KCNIP4: variants seen among roughly 807,000 people sequenced by gnomAD.
KCNIP4 encodes the protein potassium voltage-gated channel interacting protein 4, also known as Kv channel-interacting protein 4.
A neutral mutation model predicts 34.0 loss-of-function variants in KCNIP4; 12 were observed. The ratio of observed to expected loss-of-function variants is 0.35; its 90% CI spans 0.23 to 0.57. The LOEUF (loss-of-function observed/expected upper bound fraction) is 0.57. KCNIP4 is among the 20% of genes least tolerant of loss of function. The pLI is 0.83. For synonymous variants in KCNIP4, 124 were observed against 102.2 expected (o/e 1.21, Z -1.29); for missense variants, 238 against 311.7 (o/e 0.76, Z 1.78).
intron 1 of KCNIP4, among the ~76,000 whole-genome samples, chr4:21,573,656 T>A (rs185281949): frequency 1.3e-5 from 2 of 152,270 alleles, no homozygotes; most frequent in East Asian, 3.9e-4. Flanking sequence ...TTATATTTTA[T>A]CTATTCTGAG....
chr4:21,367,428 T>G (rs1719896177), intron 1 of KCNIP4, among the ~76,000 whole-genome samples: 1 of 152,130 alleles, frequency 6.6e-6, no homozygotes, highest in Non-Finnish European at 1.5e-5. Flanking sequence ...TTTTCTTCAT[T>G]AGGGTCTGAG....
Position 21,864,846 on chromosome 4 carries a change from G to C in KCNIP4, c.61+83725C>G, listed in dbSNP as rs530725010. On this transcript the variant is annotated intron_variant, in intron 1 of 8. Coordinates refer to ENST00000382152, the MANE Select transcript of KCNIP4 (RefSeq NM_025221.6). ...TTAATTACCTTCCAGTGAAATAAAA[G>C]AGAGAAAGAATGCTGGGTAATAGGC... 2.0e-5 allele frequency among the ~76,000 whole-genome samples: 3 copies of C among 152,292 alleles called. No homozygotes were observed. The South Asian group carries it at 6.2e-4, about 32-fold the overall frequency.
intron 1 of KCNIP4, among the ~76,000 whole-genome samples, chr4:21,791,938 G>T (rs1472624793): frequency 6.8e-6 from 1 of 147,518 alleles, no homozygotes; most frequent in Non-Finnish European, 1.5e-5. Context: ...GGAGGCGGAG[G>T]TTGCAGTGAG....
At chr4:20,890,052 T>C (rs534177575) in intron 1 of KCNIP4, among the ~76,000 whole-genome samples, 1 of 152,300 alleles carries the variant, frequency 6.6e-6, no homozygotes, top group African/African-American at 2.4e-5. Flanking sequence ...CTGCATCTAT[T>C]ATAATACCTA....
At chr4:21,549,219 A>G (rs77774586) in intron 1 of KCNIP4, among the ~76,000 whole-genome samples, 4,234 of 152,140 alleles carry the variant, frequency 0.028, 178 homozygotes, top group African/African-American at 0.096. Flanking sequence ...GACACATAGT[A>G]GCTCATTTTA....
chr4:21,054,543 A>G (rs948945487), intron 1 of KCNIP4, among the ~76,000 whole-genome samples: 46 of 151,888 alleles, frequency 3.0e-4, no homozygotes, highest in African/African-American at 1.1e-3. Context: ...AAGAATAGAC[A>G]AAGAGGTGAA....
At chr4:21,593,119 T>TTTG (rs1560543855) in intron 1 of KCNIP4, among the ~76,000 whole-genome samples, 55,509 of 134,468 alleles carry the variant, frequency 0.41, 10,816 homozygotes, top group East Asian at 0.66. Context: ...GTGTGTGTGT[T>TTTG]TGTGTGTGTG....
intron 1 of KCNIP4, among the ~76,000 whole-genome samples, chr4:21,618,614 TTTTC>T (rs1744767742): frequency 8.0e-6 from 1 of 125,112 alleles, no homozygotes; most frequent in Admixed American, 9.5e-5. Flanking sequence ...TTTCTTTTCT[TTTTC>T]TTTTTCTTTT....
intron 1 of KCNIP4, among the ~76,000 whole-genome samples, chr4:21,331,984 T>C (rs564835903): frequency 6.6e-6 from 1 of 152,224 alleles, no homozygotes; most frequent in East Asian, 1.9e-4. Flanking sequence ...GTATACATGA[T>C]AATAAGAGCA....
intron 1 of KCNIP4, chr4:21,608,926 C>G (rs1226275764): frequency 6.6e-6 from 1 of 152,160 alleles, no homozygotes; most frequent in Non-Finnish European, 1.5e-5. Context: ...AACAAGTCAC[C>G]CGGAGCACAC....
intron 1 of KCNIP4, chr4:21,656,924 T>G (rs1325850792): frequency 6.6e-6 from 1 of 152,172 alleles, no homozygotes. Context: ...TCTGAGCCTT[T>G]GCACACGATG....
chr4:20,907,889 A>G (rs1057354832), intron 1 of KCNIP4, among the ~76,000 whole-genome samples: 5 of 151,970 alleles, frequency 3.3e-5, no homozygotes, highest in Admixed American at 3.3e-4. Context: ...ATTTTCTTGA[A>G]CAACTGAACT....
At chr4:21,117,297 T>G (rs1749759048) in intron 1 of KCNIP4, among the ~76,000 whole-genome samples, 1 of 4,124 alleles carries the variant, frequency 2.4e-4, no homozygotes, top group Non-Finnish European at 5.3e-4. Context: ...TGGCCGGGGT[T>G]GCCGGGGGGG....
chr4:21,598,350 C>T (rs1381349316), intron 1 of KCNIP4, among the ~76,000 whole-genome samples: 1 of 152,016 alleles, frequency 6.6e-6, no homozygotes, highest in Non-Finnish European at 1.5e-5. Context: ...AGATCAAGGT[C>T]AGAAAACTTT....
chr4:21,535,689 T>G (rs1737098251), intron 1 of KCNIP4, among the ~76,000 whole-genome samples: 1 of 152,172 alleles, frequency 6.6e-6, no homozygotes, highest in Non-Finnish European at 1.5e-5. Context: ...AAAAACATAC[T>G]TCTATATGAA....
At chr4:20,920,503 G>C (rs1157121945) in intron 1 of KCNIP4, among the ~76,000 whole-genome samples, 1 of 152,140 alleles carries the variant, frequency 6.6e-6, no homozygotes, top group Non-Finnish European at 1.5e-5. Flanking sequence ...ATCATGAAAA[G>C]GAATATTGTG....
intron 2 of KCNIP4, among the ~76,000 whole-genome samples, chr4:20,855,713 G>T (rs527767141): frequency 6.6e-6 from 1 of 152,016 alleles, no homozygotes; most frequent in South Asian, 2.1e-4. Context: ...GGCTATATTT[G>T]TGAAAATGAG....
intron 1 of KCNIP4, among the ~76,000 whole-genome samples, chr4:21,761,673 TAA>T (rs1429738390): frequency 6.6e-6 from 1 of 152,048 alleles, no homozygotes; most frequent in Admixed American, 6.6e-5. Context: ...ACCACAATAT[TAA>T]AAGTGTTTCT....
At chr4:21,265,477 C>T (rs1408424112) in intron 1 of KCNIP4, among the ~76,000 whole-genome samples, 1 of 152,094 alleles carries the variant, frequency 6.6e-6, no homozygotes, top group African/African-American at 2.4e-5. Flanking sequence ...TGGAAGATGG[C>T]TTTTGTTGAG....
Sources: allele counts gnomAD v4.1 joint callset (sites outside exome capture counted in the v4.1 genomes callset), GRCh38; gene constraint gnomAD v4.1.1; transcripts MANE v1.5; gene names NCBI Gene and HGNC (gene_info 2026-07-23, HGNC 2026-07-21).